SLC25A48: variants seen among roughly 807,000 people sequenced by gnomAD.
The protein encoded by SLC25A48 is CTC-321K16.1.
A neutral mutation model predicts 32.2 loss-of-function variants in SLC25A48; 29 were observed. That is an observed-to-expected ratio of 0.90 (90% confidence interval 0.67 to 1.23). The LOEUF (loss-of-function observed/expected upper bound fraction) is 1.23, where lower values mean the gene tolerates loss of function less well. SLC25A48 is among the 50% of genes most tolerant of loss of function. The pLI is 0.00. For missense variants in SLC25A48, 399 were observed against 422.7 expected (o/e 0.94, Z 0.49); for synonymous variants, 164 against 172.3 (o/e 0.95, Z 0.38).
At chr5:135,698,437 T>G (rs1754317264) in intron 3 of SLC25A48, among the ~76,000 whole-genome samples, 2 of 152,260 alleles carry the variant, frequency 1.3e-5, no homozygotes, top group African/African-American at 4.8e-5. Context: ...TTCTTAGAAC[T>G]GATACTATCT....
intron 1 of SLC25A48, among the ~76,000 whole-genome samples, chr5:135,596,098 G>A (rs575538964): frequency 5.3e-5 from 8 of 152,134 alleles, no homozygotes; most frequent in Non-Finnish European, 7.3e-5. Context: ...TGCACAATTC[G>A]TGAATTATTA....
At chr5:135,731,632 C>A (rs1755224855) in intron 3 of SLC25A48, among the ~76,000 whole-genome samples, 1 of 152,082 alleles carries the variant, frequency 6.6e-6, no homozygotes. Context: ...TGGTGATGGC[C>A]TGGATGCTGT....
At chr5:135,746,431 AACTCACGT>A (rs1755642762) in intron 3 of SLC25A48, 1 of 203,146 alleles carries the variant, frequency 4.9e-6, no homozygotes, top group South Asian at 8.0e-5. Context: ...CTCCTCCAGG[AACTCACGT>A]GAGGCACCTT....
intron 4 of SLC25A48, among the ~76,000 whole-genome samples, chr5:135,824,244 G>A (rs1297022456): frequency 2.0e-5 from 3 of 152,158 alleles, no homozygotes; most frequent in African/African-American, 7.2e-5. Flanking sequence ...TCTAGCCATG[G>A]TTGAGGCCCA....
chr5:135,687,227 C>T (rs571745352), intron 3 of SLC25A48, among the ~76,000 whole-genome samples: 2 of 152,268 alleles, frequency 1.3e-5, no homozygotes, highest in South Asian at 2.1e-4. Flanking sequence ...AAAAGGTTAC[C>T]TACAGATTGG....
chr5:135,880,966 T>C (rs1402552012), intron 7 of SLC25A48, among the ~76,000 whole-genome samples: 1 of 141,434 alleles, frequency 7.1e-6, no homozygotes, highest in African/African-American at 2.5e-5. Flanking sequence ...GCATCCTAAA[T>C]GCCAGAGGAC....
chr5:135,625,227 G>A (rs1390301930), intron 1 of SLC25A48, among the ~76,000 whole-genome samples: 1 of 152,156 alleles, frequency 6.6e-6, no homozygotes, highest in Non-Finnish European at 1.5e-5. Flanking sequence ...TTCTGGGTGG[G>A]GAAGAGTCCT....
At chr5:135,825,114 GT>G (rs977074219) in intron 4 of SLC25A48, 1 of 152,182 alleles carries the variant, frequency 6.6e-6, no homozygotes, top group African/African-American at 2.4e-5. Context: ...ATACAACCAC[GT>G]ACCTAAAGTG....
chr5:135,801,324 ATTC>A (rs1757319843), intron 3 of SLC25A48, among the ~76,000 whole-genome samples: 1 of 151,144 alleles, frequency 6.6e-6, no homozygotes, highest in Non-Finnish European at 1.5e-5. Flanking sequence ...CCCCTGTGAT[ATTC>A]TTCAAAATAT....
chr5:135,618,308 A>G (rs572588535), intron 1 of SLC25A48, among the ~76,000 whole-genome samples: 84 of 152,116 alleles, frequency 5.5e-4, no homozygotes, highest in African/African-American at 1.9e-3. Flanking sequence ...CTGTGTCCTT[A>G]TAGGTGAGAA....
rs923227921 is a variant in SLC25A48 at position 135,880,017 on chromosome 5, G to C, written c.863G>C (p.Ser288Thr). 6.5e-7 allele frequency: 1 copy of C among 1,536,382 alleles called. No individual in the cohort carries two copies. Among genetic ancestry groups the C allele is most frequent in the Non-Finnish European group, 8.7e-7 (1 of 1,146,964 alleles). Residue 288 changes from serine to threonine, a missense_variant, in exon 7 of 8, where the codon AGT becomes ACT. By Grantham distance (58) the Ser-to-Thr change is moderately conservative. Transcript: ENST00000681962. ...AACGCGGTGCGGGGCTTCCCCATGA[G>C]TGCGGCCATGTTCCTTGGGTACGAG... is the stretch of plus-strand genomic sequence containing the variant. Reference protein sequence around the residue: ...TVNAVRGFPMSAAMFLGYELS... With the variant: ...TVNAVRGFPMTAAMFLGYELS...
At chr5:135,615,608 G>A (rs1218195278) in intron 1 of SLC25A48, among the ~76,000 whole-genome samples, 2 of 152,216 alleles carry the variant, frequency 1.3e-5, no homozygotes, top group African/African-American at 2.4e-5. Context: ...GGGAAGCAGA[G>A]GGTAAAAGTT....
At chr5:135,809,407 C>A (rs1429315145) in intron 3 of SLC25A48, among the ~76,000 whole-genome samples, 1 of 152,114 alleles carries the variant, frequency 6.6e-6, no homozygotes, top group Non-Finnish European at 1.5e-5. Context: ...GTGCTGGATG[C>A]CAGGAATTTA....
intron 1 of SLC25A48, among the ~76,000 whole-genome samples, chr5:135,584,149 C>T (rs1369820580): frequency 3.3e-5 from 5 of 152,240 alleles, no homozygotes; most frequent in Non-Finnish European, 7.3e-5. Context: ...ACAGGGGGCA[C>T]TGCAAGATTC....
intron 3 of SLC25A48, among the ~76,000 whole-genome samples, chr5:135,635,696 C>G (rs1001286744): frequency 6.6e-6 from 1 of 152,162 alleles, no homozygotes; most frequent in South Asian, 2.1e-4. Context: ...AGTCCCACCA[C>G]GGCTGGTTTC....
intron 3 of SLC25A48, among the ~76,000 whole-genome samples, chr5:135,710,853 G>A (rs1754636647): frequency 7.0e-6 from 1 of 142,470 alleles, no homozygotes; most frequent in Non-Finnish European, 1.5e-5. Flanking sequence ...ATAATACCAA[G>A]TTTCAAAAGT....
At chr5:135,602,130 A>G (rs1271733715) in intron 1 of SLC25A48, among the ~76,000 whole-genome samples, 2 of 152,224 alleles carry the variant, frequency 1.3e-5, no homozygotes, top group Non-Finnish European at 2.9e-5. Flanking sequence ...AAATACAGTG[A>G]GCCTATAACA....
intron 3 of SLC25A48, among the ~76,000 whole-genome samples, chr5:135,764,124 T>C (rs1756137275): frequency 1.3e-5 from 2 of 152,074 alleles, no homozygotes; most frequent in South Asian, 4.1e-4. Flanking sequence ...CTCTGTGATA[T>C]GGTTTGTAAT....
At chr5:135,614,725 G>C (rs926637520) in intron 1 of SLC25A48, among the ~76,000 whole-genome samples, 1 of 151,956 alleles carries the variant, frequency 6.6e-6, no homozygotes, top group Non-Finnish European at 1.5e-5. Flanking sequence ...TGAATCCCTG[G>C]GATAAATCCC....
Sources: allele counts gnomAD v4.1 joint callset (sites outside exome capture counted in the v4.1 genomes callset), GRCh38; gene constraint gnomAD v4.1.1; transcripts MANE v1.5; gene names NCBI Gene and HGNC (gene_info 2026-07-23, HGNC 2026-07-21).